The following OTOGL variants were observed in gnomAD, a reference collection of about 807,000 sequenced individuals.
OTOGL encodes otogelin-like protein.
In OTOGL, 285 loss-of-function variants were observed where a neutral mutation model predicts 318.5. That is an observed-to-expected ratio of 0.89 (90% CI 0.81 to 0.99). OTOGL has a LOEUF of 0.99. Among genes scored for constraint, OTOGL ranks in the 50% least tolerant of loss-of-function variants. The pLI, the probability that OTOGL is intolerant of heterozygous loss-of-function variation, is 0.00. For synonymous variants in OTOGL, 987 were observed against 936.5 expected, an observed-to-expected ratio of 1.05 and a Z score of -0.99; for missense variants, 2,899 against 2,845.6, an observed-to-expected ratio of 1.02 and a Z score of -0.43.
chr12:80,328,345 A>G (rs1231789166), intron 35 of OTOGL, among the ~76,000 whole-genome samples: 3 of 151,544 alleles, frequency 2.0e-5, no homozygotes, highest in Non-Finnish European at 4.4e-5. Context: ...AACAACAACA[A>G]CAACAACACC....
At chr12:80,325,885 G>C (rs575529042) in intron 35 of OTOGL, among the ~76,000 whole-genome samples, 1 of 152,118 alleles carries the variant, frequency 6.6e-6, no homozygotes, top group African/African-American at 2.4e-5. Flanking sequence ...ATGGGATGAC[G>C]TGGGATGATC....
chr12:80,310,870 AGTTT>A (rs1592693060), intron 30 of OTOGL, 143 bp downstream of exon 30: 4 of 603,852 alleles, frequency 6.6e-6, no homozygotes, highest in Non-Finnish European at 1.1e-5. Flanking sequence ...CATATGTGTT[AGTTT>A]GTTTTTCTGT....
chr12:80,362,287 C>T (rs898679912), intron 52 of OTOGL, among the ~76,000 whole-genome samples: 3 of 152,102 alleles, frequency 2.0e-5, no homozygotes, highest in Non-Finnish European at 4.4e-5. Flanking sequence ...AATTAATTGG[C>T]CATAATTCAT....
At chr12:80,175,558 G>C (rs1230174075) in intron 1 of OTOGL, among the ~76,000 whole-genome samples, 1 of 152,098 alleles carries the variant, frequency 6.6e-6, no homozygotes, top group Non-Finnish European at 1.5e-5. Context: ...TTTTTATACA[G>C]GGGAATGTGT....
intron 5 of OTOGL, 111 bp downstream of exon 5, chr12:80,217,775 C>G: frequency 1.3e-6 from 1 of 760,012 alleles, no homozygotes; most frequent in South Asian, 1.9e-5. Context: ...GAAAGTGAGC[C>G]AGGATGGTAG....
chr12:80,310,067 G>T (rs949352618), intron 29 of OTOGL, among the ~76,000 whole-genome samples: 1 of 152,138 alleles, frequency 6.6e-6, no homozygotes, highest in African/African-American at 2.4e-5. Flanking sequence ...TTTAAGAAGG[G>T]TAAAGTATTA....
At chr12:80,267,875 A>C (rs1883116670) in intron 22 of OTOGL, among the ~76,000 whole-genome samples, 1 of 152,032 alleles carries the variant, frequency 6.6e-6, no homozygotes. Context: ...TAAGTACCTC[A>C]CAGTGAAATG....
intron 1 of OTOGL, among the ~76,000 whole-genome samples, chr12:80,172,590 T>A (rs7974386): frequency 6.6e-6 from 1 of 151,238 alleles, no homozygotes; most frequent in Non-Finnish European, 1.5e-5. Context: ...CCTTTTTCTA[T>A]CTGATTTTTT....
chr12:80,133,643 T>C (rs919364970), intron 1 of OTOGL: 2 of 151,716 alleles, frequency 1.3e-5, no homozygotes, highest in African/African-American at 4.9e-5. Context: ...CCCTAGACAA[T>C]GCACAAATGT....
rs998882382 is a variant in OTOGL at position 80,353,329 on chromosome 12, G to T, written c.5412G>T (p.Leu1804=). 6.6e-7 allele frequency: 1 copy of T among 1,515,196 alleles called. No individual in the cohort carries two copies. Among genetic ancestry groups the T allele is most frequent in the Non-Finnish European group, 8.9e-7 (1 of 1,125,574 alleles). 93.9% of individuals were successfully genotyped at this position (1,515,196 alleles called of 1,614,324 possible). ...TTTGTCTCCTATTCTTCAAAGCCCTGAGTTGCCCAGAGGGGAAGGAATATC... is the reference window on the plus strand; with the variant it reads ...TTTGTCTCCTATTCTTCAAAGCCCTTAGTTGCCCAGAGGGGAAGGAATATC... The part of the protein sequence containing the change: ...IQWRTPDYCS[L]SCPEGKEYQP... The change falls in exon 46 of 59, where the codon CTG becomes CTT. Residue 1804 remains leucine, a synonymous_variant. Coordinates refer to ENST00000547103, the MANE Select transcript of OTOGL (RefSeq NM_001378609.3).
At chr12:80,350,840 C>T (rs746612527) in intron 44 of OTOGL, among the ~76,000 whole-genome samples, 8 of 152,140 alleles carry the variant, frequency 5.3e-5, no homozygotes, top group Middle Eastern at 3.2e-3. Flanking sequence ...AATATTTTCT[C>T]GCATTCTATA....
chr12:80,243,372 T>G (rs1309893565), intron 11 of OTOGL, among the ~76,000 whole-genome samples: 9 of 152,064 alleles, frequency 5.9e-5, no homozygotes. Context: ...CATTCTCAGA[T>G]GAATTTCAGA....
intron 1 of OTOGL, among the ~76,000 whole-genome samples, chr12:80,178,613 T>C (rs1874705065): frequency 6.6e-6 from 1 of 152,148 alleles, no homozygotes; most frequent in African/African-American, 2.4e-5. Context: ...ACACAAGCAG[T>C]AAGCTGGGAC....
chr12:80,229,256 G>A lies in OTOGL; in HGVS notation c.490-1G>A. Reference sequence around the variant, plus strand: ...TTTCTTTTTGTTTTTCTCCCTTTAAGGTTCATAACAGCCCTAAATGCCTTG... The same window carrying A: ...TTTCTTTTTGTTTTTCTCCCTTTAAAGTTCATAACAGCCCTAAATGCCTTG... On this transcript the variant is annotated splice_acceptor_variant, in intron 7 of 58. Coordinates refer to ENST00000547103, the MANE Select transcript of OTOGL (RefSeq NM_001378609.3). LOFTEE classifies it high-confidence loss of function. 1 of 1,596,818 alleles carries A rather than the reference G, an allele frequency of 6.3e-7. No homozygotes were observed. Among genetic ancestry groups the A allele is most frequent in the Non-Finnish European group, 8.5e-7 (1 of 1,177,702 alleles).
rs748328358 is a variant in OTOGL at position 80,229,387 on chromosome 12, T to C, written c.611+9T>C. 11 of 1,591,674 alleles carry C rather than the reference T, an allele frequency of 6.9e-6. No homozygotes were observed. The East Asian group carries it at 2.2e-4, about 32-fold the overall frequency. ...AAAAAGAATGGAATCAGGTAGGATA[T>C]GGGAAACAGTGAAATGTCAGTAACA... On this transcript the variant is annotated intron_variant, in intron 8 of 58. Transcript: ENST00000547103.
At chr12:80,123,234 C>T (rs1870596385) in intron 1 of OTOGL, among the ~76,000 whole-genome samples, 1 of 152,016 alleles carries the variant, frequency 6.6e-6, no homozygotes, top group Admixed American at 6.6e-5. Flanking sequence ...CTTCCTGTGT[C>T]CATGTGTTCT....
intron 44 of OTOGL, among the ~76,000 whole-genome samples, chr12:80,346,614 C>A (rs1442148916): frequency 6.6e-6 from 1 of 152,014 alleles, no homozygotes; most frequent in Non-Finnish European, 1.5e-5. Flanking sequence ...GATTAAAAAA[C>A]CATTTAAAAA....
At chr12:80,307,340 G>A (rs1347761193) in intron 29 of OTOGL, among the ~76,000 whole-genome samples, 1 of 151,774 alleles carries the variant, frequency 6.6e-6, no homozygotes, top group Non-Finnish European at 1.5e-5. Context: ...CCCAGACGGG[G>A]TGGTGGCCGG....
At chr12:80,229,859 G>A (rs1342337451) in intron 8 of OTOGL, among the ~76,000 whole-genome samples, 1 of 152,136 alleles carries the variant, frequency 6.6e-6, no homozygotes, top group Non-Finnish European at 1.5e-5. Context: ...TTCCACGGAA[G>A]TTCTGACAGA....
Sources: gnomAD v4.1 joint callset for allele counts (sites outside exome capture counted in the v4.1 genomes callset) on GRCh38, gnomAD v4.1.1 for gene constraint, MANE v1.5 for transcripts, NCBI Gene and HGNC (gene_info 2026-07-23, HGNC 2026-07-21) for gene names.